Variants in NCAM1 observed in about 807,000 individuals in gnomAD.
NCAM1 encodes neural cell adhesion molecule 1, also known as antigen recognized by monoclonal antibody 5.1H11.
A neutral mutation model predicts 109.8 loss-of-function variants in NCAM1; 14 were observed. That is an observed-to-expected ratio of 0.13 (90% CI 0.08 to 0.20). The LOEUF is 0.20. NCAM1 is among the 10% of genes least tolerant of loss of function. The pLI, the probability that NCAM1 is intolerant of heterozygous loss-of-function variation, is 1.00. For missense variants in NCAM1, 774 were observed against 1,109.9 expected, an observed-to-expected ratio of 0.70 and a Z score of 4.30; for synonymous variants, 418 against 442.9, an observed-to-expected ratio of 0.94 and a Z score of 0.70.
At position 113,207,281 on chromosome 11, in the gene NCAM1, A is replaced by G. The variant is rs1446658355; in HGVS notation, c.649A>G (p.Arg217Gly). The change falls in exon 6 of 20, where the codon AGG becomes GGG. Residue 217 changes from arginine (R) to glycine (G), a missense_variant. Around this residue, in one of 4 missense-constraint regions of NCAM1, gnomAD observed 523 missense variants for 784.2 expected, o/e 0.67. Transcript: ENST00000316851. ...IVNVPPTIQA[R>G]QNIVNATANL... ...TTCAGTGCCACCTACCATCCAGGCCAGGCAGAATATTGTGAATGCCACCGC... is the reference window on the plus strand; with the variant it reads ...TTCAGTGCCACCTACCATCCAGGCCGGGCAGAATATTGTGAATGCCACCGC... 6.2e-7 allele frequency: 1 copy of G among 1,613,862 alleles called. No individual in the cohort carries two copies. Among genetic ancestry groups the G allele is most frequent in the Non-Finnish European group, 8.5e-7 (1 of 1,179,886 alleles).
rs535679645 is a variant in NCAM1 at position 113,254,056 on chromosome 11, G to A, written c.1829-1821G>A. 5.9e-5 allele frequency among the ~76,000 whole-genome samples: 9 copies of A among 152,296 alleles called. No individual in the cohort carries two copies. In the East Asian group the frequency reaches 1.7e-3, roughly 29 times the overall value. ...TGAATCTACACAGAGCTCCTGCCTTGATCTAAAATCTATGCCACTTTGAGT... is the reference window on the plus strand; with the variant it reads ...TGAATCTACACAGAGCTCCTGCCTTAATCTAAAATCTATGCCACTTTGAGT... On this transcript the variant is annotated intron_variant, in intron 15 of 19. Coordinates refer to ENST00000316851, the MANE Select transcript of NCAM1 (RefSeq NM_181351.5).
chr11:113,140,470 C>G (rs1250934425), intron 1 of NCAM1, among the ~76,000 whole-genome samples: 4 of 152,140 alleles, frequency 2.6e-5, no homozygotes, highest in African/African-American at 9.7e-5. Context: ...AGGAAGGCAG[C>G]CTGAGATTTT....
intron 1 of NCAM1, among the ~76,000 whole-genome samples, chr11:113,181,530 G>A (rs782057302): frequency 6.6e-6 from 1 of 152,130 alleles, no homozygotes; most frequent in South Asian, 2.1e-4. Context: ...GTGGAGGACT[G>A]GGGGACGGAG....
chr11:113,265,676 T>C (rs1229098410), intron 17 of NCAM1, among the ~76,000 whole-genome samples: 4 of 152,168 alleles, frequency 2.6e-5, no homozygotes, highest in African/African-American at 9.7e-5. Context: ...GCCATCTGTT[T>C]AGCTGATTCG....
intron 9 of NCAM1, among the ~76,000 whole-genome samples, chr11:113,223,447 T>C (rs1555115664): frequency 6.6e-6 from 1 of 151,744 alleles, no homozygotes; most frequent in South Asian, 2.1e-4. Flanking sequence ...AGAAACTAGA[T>C]AGGAATTAAA....
chr11:112,979,681 A>C (rs1049237249), intron 1 of NCAM1, among the ~76,000 whole-genome samples: 6 of 151,912 alleles, frequency 3.9e-5, no homozygotes, highest in African/African-American at 1.4e-4. Context: ...CAGTTTGATT[A>C]TATGGCATTT....
In NCAM1 at chr11:113,207,937, A is replaced by C; in HGVS notation, c.851A>C (p.Glu284Ala). The C allele has an allele frequency of 6.2e-7, 1 of 1,612,730 alleles. No homozygotes were observed. Among genetic ancestry groups the C allele is most frequent in the Non-Finnish European group, 8.5e-7 (1 of 1,179,406 alleles). The change falls in exon 7 of 20, where the codon GAG (glutamate) becomes GCG (alanine). Residue 284 changes from glutamate to alanine, a missense_variant. Physicochemically the swap from Glu to Ala is moderately radical, Grantham distance 107. Transcript: ENST00000316851. ...AAGGTGGATAAGAACGACGAGGCTG[A>C]GTACATCTGCATTGCTGAGAACAAG... ...IKKVDKNDEAEYICIAENKAG... is the reference protein window; with the variant it reads ...IKKVDKNDEAAYICIAENKAG...
chr11:113,230,549 AC>A (rs1944975557), intron 9 of NCAM1, among the ~76,000 whole-genome samples: 1 of 152,214 alleles, frequency 6.6e-6, no homozygotes, highest in Admixed American at 6.5e-5. Context: ...CTGCTGTATG[AC>A]ATTGCAATTC....
intron 1 of NCAM1, among the ~76,000 whole-genome samples, chr11:113,050,061 A>G (rs1212064508): frequency 1.6e-5 from 2 of 126,114 alleles, no homozygotes; most frequent in South Asian, 2.7e-4. Context: ...GATTCAGTCA[A>G]TTCTGTGGGG....
At chr11:113,185,902 A>G (rs1943494910) in intron 1 of NCAM1, among the ~76,000 whole-genome samples, 1 of 152,192 alleles carries the variant, frequency 6.6e-6, no homozygotes, top group Non-Finnish European at 1.5e-5. Context: ...GGCTGTAGCA[A>G]GGAAATCTAT....
intron 1 of NCAM1, among the ~76,000 whole-genome samples, chr11:113,137,595 A>G (rs1354087431): frequency 6.6e-6 from 1 of 152,236 alleles, no homozygotes; most frequent in Non-Finnish European, 1.5e-5. Flanking sequence ...TCAAAGACTG[A>G]TTTTGGCAAA....
intron 1 of NCAM1, among the ~76,000 whole-genome samples, chr11:113,009,696 A>C (rs1474481288): frequency 6.6e-6 from 1 of 152,186 alleles, no homozygotes; most frequent in Non-Finnish European, 1.5e-5. Context: ...CTTTTCCAAG[A>C]CCATGTCTCC....
Position 113,273,671 on chromosome 11 carries a change from T to A in NCAM1, c.2457-1596T>A, listed in dbSNP as rs1555125984. 1 of 456,266 alleles carries A rather than the reference T, an allele frequency of 2.2e-6. No homozygotes were observed. 28.3% of individuals were successfully genotyped at this position (456,266 alleles called of 1,614,324 possible). On this transcript the variant is annotated intron_variant, in intron 19 of 19. Transcript: ENST00000316851. This position sits in a 1 kb window ranked among gnomAD's most constrained non-coding sequence, Gnocchi z 6.0. ...CCCTGGGCTCTCCTGCTCCCGCCGC[T>A]GGGGCCAGTGGACAAGCCCCTGAGC...
intron 1 of NCAM1, among the ~76,000 whole-genome samples, chr11:113,096,046 C>A (rs1939582066): frequency 6.6e-6 from 1 of 152,054 alleles, no homozygotes. Context: ...CAGACACAGA[C>A]CTGTCAGGCT....
chr11:113,164,635 T>C (rs562207648), intron 1 of NCAM1, among the ~76,000 whole-genome samples: 11 of 152,258 alleles, frequency 7.2e-5, no homozygotes, highest in African/African-American at 2.6e-4. Context: ...GAGGATATAG[T>C]TGAACAGCCA....
chr11:113,036,183 A>T (rs1430240618), intron 1 of NCAM1, among the ~76,000 whole-genome samples: 1 of 152,000 alleles, frequency 6.6e-6, no homozygotes, highest in African/African-American at 2.4e-5. Context: ...TTAGTAAATA[A>T]CATCACCTCT....
chr11:113,073,276 C>G (rs1005602638), intron 1 of NCAM1, among the ~76,000 whole-genome samples: 69 of 152,056 alleles, frequency 4.5e-4, no homozygotes, highest in African/African-American at 1.5e-3. Context: ...CTGAATATAA[C>G]TGCATCTCTA....
chr11:113,227,413 C>T (rs545606203), intron 9 of NCAM1, among the ~76,000 whole-genome samples: 56 of 149,798 alleles, frequency 3.7e-4, no homozygotes, highest in African/African-American at 1.2e-3. Context: ...AGACCAATAA[C>T]AGGCTCTGAA....
At chr11:113,009,312 GTTTTTT>G (rs781818836) in intron 1 of NCAM1, among the ~76,000 whole-genome samples, 4 of 79,650 alleles carry the variant, frequency 5.0e-5, no homozygotes, top group African/African-American at 9.7e-5. Context: ...GTTTTTTCGG[GTTTTTT>G]TTTTTTTTTT....
Sources: gnomAD v4.1 joint callset for allele counts (sites outside exome capture counted in the v4.1 genomes callset) on GRCh38, gnomAD v4.1.1 for gene constraint, gnomAD v4.1.1 regional missense constraint, Gnocchi (gnomAD v3.1) non-coding constraint, MANE v1.5 for transcripts, NCBI Gene and HGNC (gene_info 2026-07-23, HGNC 2026-07-21) for gene names.